Variants in HUWE1 observed in about 807,000 individuals in gnomAD.
The protein encoded by HUWE1 is HECT, UBA and WWE domain containing E3 ubiquitin protein ligase 1.
HUWE1 carries 18 observed loss-of-function variants against 299.4 expected under a neutral mutation model. That is an observed-to-expected ratio of 0.06 (90% CI 0.04 to 0.09). HUWE1 has a LOEUF of 0.09. Among genes scored for constraint, HUWE1 ranks in the 10% least tolerant of loss-of-function variants. The probability of loss-of-function intolerance (pLI) is 1.00; values close to 1 mark genes in which losing one functional copy is unlikely to be tolerated. For missense variants in HUWE1, 1,832 were observed against 3,462.3 expected (o/e 0.53, Z 11.82); for synonymous variants, 1,317 against 1,286.1 (o/e 1.02, Z -0.51).
chrX:53,666,435 T>C (rs1557047635), intron 3 of HUWE1, among the ~76,000 whole-genome samples: 2 of 112,018 alleles, frequency 1.8e-5, no homozygotes, highest in Admixed American at 9.5e-5. Flanking sequence ...TGGGTGTTCA[T>C]TATGCTTTTT....
At chrX:53,555,005 A>T (rs1394320202) in intron 60 of HUWE1, 85 bp from the exon 61 acceptor site, 2 of 716,356 alleles carry the variant, frequency 2.8e-6, no homozygotes, top group Non-Finnish European at 2.0e-6. Context: ...ATGTGGCCTG[A>T]TAAGTATCCC....
intron 8 of HUWE1, 99 bp from the exon 9 acceptor site, chrX:53,632,663 C>G: frequency 1.6e-6 from 1 of 616,839 alleles, no homozygotes; most frequent in Non-Finnish European, 2.7e-6. Context: ...ACTTGTTCAA[C>G]TTATTGTGGC....
rs1556966870 is a variant in HUWE1 at position 53,580,944 on chromosome X, T to C, written c.5603A>G (p.Asn1868Ser). ...TGGCCCAAGGACACGAAGGATGTAG[T>C]TGATCTCCCGAGAGCCGAGGCTGCC... ...VSGSLGSREI[N>S]YILRVLGPAA... The change falls in exon 43 of 84, where the codon AAC becomes AGC. Residue 1868 changes from asparagine to serine, a missense_variant. Asn to Ser is a conservative substitution (Grantham distance 46). Around this residue, in one of 15 missense-constraint regions of HUWE1, gnomAD observed 50 missense variants for 114.9 expected, o/e 0.44. Coordinates refer to ENST00000262854, the MANE Select transcript of HUWE1 (RefSeq NM_031407.7). 2 of 1,210,898 alleles carry C rather than the reference T, an allele frequency of 1.7e-6. No individual in the cohort carries two copies. Among genetic ancestry groups the C allele is most frequent in the Admixed American group, 2.2e-5 (1 of 46,017 alleles).
At chrX:53,589,382 G>A (rs781955068) in intron 36 of HUWE1, among the ~76,000 whole-genome samples, 165 bp downstream of exon 36, 2 of 112,094 alleles carry the variant, frequency 1.8e-5, no homozygotes, top group African/African-American at 6.5e-5. Flanking sequence ...TGTGTGCGAT[G>A]TAGTTAACAC....
At chrX:53,627,333 T>G (rs2066579313) in intron 17 of HUWE1, 77 bp downstream of exon 17, 1 of 630,683 alleles carries the variant, frequency 1.6e-6, no homozygotes. Flanking sequence ...TTGGAATTTA[T>G]GAGGAAGAAT....
chrX:53,624,742 T>A, intron 18 of HUWE1, 67 bp from the exon 19 acceptor site: 1 of 760,444 alleles, frequency 1.3e-6, no homozygotes, highest in Non-Finnish European at 2.0e-6. Context: ...TGGGGATAAT[T>A]GAGTGATATG....
In HUWE1 at chrX:53,547,826, T is replaced by C; in HGVS notation, c.10483A>G (p.Thr3495Ala). The change falls in exon 68 of 84, where the codon ACC (threonine) becomes GCC (alanine). Residue 3495 changes from threonine (T) to alanine (A), a missense_variant. By Grantham distance (58) the Thr-to-Ala change is moderately conservative. Coordinates refer to ENST00000262854, the MANE Select transcript of HUWE1 (RefSeq NM_031407.7). ...TATSTTSTTTTTAASTTPTPP... is the reference protein window; with the variant it reads ...TATSTTSTTTATAASTTPTPP... ...GTGGGCGTGGTGGAGGCGGCAGTGG[T>C]GGTGGTGGTAGATGTGGTTGAGGTG... is the stretch of plus-strand genomic sequence containing the variant. 1 of 1,197,239 alleles carries C rather than the reference T, an allele frequency of 8.4e-7. No individual in the cohort carries two copies. The highest frequency in any genetic ancestry group is 1.8e-5 in the South Asian group (1 of 55,394).
At chrX:53,573,466 G>C (rs2062937454) in intron 47 of HUWE1, among the ~76,000 whole-genome samples, 1 of 112,068 alleles carries the variant, frequency 8.9e-6, no homozygotes, top group African/African-American at 3.2e-5. Context: ...ACCACGCCTG[G>C]CTAATTTCTT....
chrX:53,604,292 T>C (rs888606773), intron 26 of HUWE1, among the ~76,000 whole-genome samples: 2 of 112,066 alleles, frequency 1.8e-5, no homozygotes, highest in African/African-American at 6.5e-5. Context: ...GCCATCCCAT[T>C]ATCAGACCTA....
At chrX:53,657,704 G>A (rs1569512349) in intron 3 of HUWE1, among the ~76,000 whole-genome samples, 3 of 111,189 alleles carry the variant, frequency 2.7e-5, no homozygotes, top group African/African-American at 9.8e-5. Context: ...AAAACACCCT[G>A]GAGCTAACAA....
intron 7 of HUWE1, among the ~76,000 whole-genome samples, chrX:53,644,773 T>C (rs2067854826): frequency 8.9e-6 from 1 of 112,303 alleles, no homozygotes; most frequent in Non-Finnish European, 1.9e-5. Context: ...AAGCTAAGTA[T>C]GTATTAAGAA....
At chrX:53,595,547 A>G (rs1556984251) in intron 29 of HUWE1, 144 bp from the exon 30 acceptor site, 5 of 530,218 alleles carry the variant, frequency 9.4e-6, no homozygotes, top group Admixed American at 2.9e-5. Context: ...TCTACATTCA[A>G]TAATCCAAAA....
intron 21 of HUWE1, among the ~76,000 whole-genome samples, chrX:53,616,651 G>C (rs782400643): frequency 9.0e-6 from 1 of 111,494 alleles, no homozygotes; most frequent in East Asian, 2.8e-4. Context: ...CAGAACACTA[G>C]ATTACCAGAT....
chrX:53,656,561 AG>A (rs1557043119), intron 3 of HUWE1, among the ~76,000 whole-genome samples: 1,671 of 43,882 alleles, frequency 0.038, 219 homozygotes, highest in South Asian at 0.083. Context: ...AAAAAAAAAA[AG>A]AAAAATCAAA....
At chrX:53,540,378 C>T (rs1464334883) in intron 74 of HUWE1, among the ~76,000 whole-genome samples, 2 of 109,445 alleles carry the variant, frequency 1.8e-5, no homozygotes, top group Admixed American at 1.9e-4. Context: ...GCCCAGGCTG[C>T]AGTGCAGTGG....
chrX:53,621,070 A>G (rs1441111942), intron 19 of HUWE1, among the ~76,000 whole-genome samples: 6 of 111,928 alleles, frequency 5.4e-5, no homozygotes, highest in African/African-American at 2.0e-4. Context: ...AGTTCCTAGT[A>G]CCAACATTCT....
At chrX:53,603,054 T>C (rs1462391668) in intron 27 of HUWE1, among the ~76,000 whole-genome samples, 8 of 111,138 alleles carry the variant, frequency 7.2e-5, no homozygotes, top group African/African-American at 2.6e-4. Flanking sequence ...GGTTTCACCA[T>C]GTTGGCCAGG....
chrX:53,620,304 A>G (rs1557011249), intron 19 of HUWE1, among the ~76,000 whole-genome samples: 1 of 104,837 alleles, frequency 9.5e-6, no homozygotes, highest in African/African-American at 3.5e-5. Flanking sequence ...TCCCCAGGCT[A>G]GAGTGCAGGG....
chrX:53,589,966 A>G, intron 35 of HUWE1, 150 bp from the exon 36 acceptor site: 1 of 632,539 alleles, frequency 1.6e-6, no homozygotes, highest in Non-Finnish European at 2.5e-6. Context: ...TGTGGCAGCC[A>G]CAAAGTTTAA....
Sources: allele counts gnomAD v4.1 joint callset (sites outside exome capture counted in the v4.1 genomes callset), GRCh38; gene constraint gnomAD v4.1.1; regional missense constraint gnomAD v4.1.1; transcripts MANE v1.5; gene names NCBI Gene and HGNC (gene_info 2026-07-23, HGNC 2026-07-21).